The following MARCHF1 variants were observed in gnomAD, a reference collection of about 807,000 sequenced individuals.
MARCHF1 encodes E3 ubiquitin-protein ligase MARCHF1.
A neutral mutation model predicts 54.2 loss-of-function variants in MARCHF1; 40 were observed. That is an observed-to-expected ratio of 0.74 (90% CI 0.57 to 0.96). MARCHF1 has a LOEUF of 0.96. MARCHF1 is among the 40% of genes least tolerant of loss of function. The pLI, the probability that MARCHF1 is intolerant of heterozygous loss-of-function variation, is 0.00. For missense variants in MARCHF1, 586 were observed against 656.5 expected, an observed-to-expected ratio of 0.89 and a Z score of 1.17; for synonymous variants, 236 against 236.3, an observed-to-expected ratio of 1.00 and a Z score of 0.01.
At chr4:163,869,852 G>A (rs907009173) in intron 3 of MARCHF1, among the ~76,000 whole-genome samples, 4 of 151,984 alleles carry the variant, frequency 2.6e-5, no homozygotes, top group African/African-American at 9.7e-5. Flanking sequence ...CTCTCTTGTC[G>A]TTAATATATT....
At chr4:163,976,246 T>C (rs148728706) in intron 3 of MARCHF1, among the ~76,000 whole-genome samples, 1 of 152,250 alleles carries the variant, frequency 6.6e-6, no homozygotes, top group East Asian at 1.9e-4. Flanking sequence ...AAATAACTTG[T>C]CTCTTTATTT....
chr4:164,036,942 T>G (rs1754018842), intron 2 of MARCHF1, among the ~76,000 whole-genome samples: 1 of 152,056 alleles, frequency 6.6e-6, no homozygotes, highest in Non-Finnish European at 1.5e-5. Flanking sequence ...CAGACCAGAG[T>G]GTCAGCAATG....
rs1353179360 is a variant in MARCHF1, at chr4:164,105,775, T to G, written c.-248+5813A>C. Among the ~76,000 whole-genome samples the G allele has an allele frequency of 4.4e-4, 54 of 123,074 alleles. 1 individual carries two copies. Among genetic ancestry groups the G allele is most frequent in the Middle Eastern group, 3.9e-3 (1 of 256 alleles). 80.7% of individuals were successfully genotyped at this position (123,074 alleles called of 152,430 possible). A position where few individuals can be genotyped will look rare whatever the true frequency, so the allele number is the denominator to read the frequency against. On this transcript the variant is annotated intron_variant, in intron 2 of 9. Transcript: ENST00000514618. ...CCAAAATTGACAAATGGGATCTAAT[T>G]AAACTAAAGAGCTTCTGCACAGCAA...
chr4:164,288,717 C>A (rs1734211580), intron 1 of MARCHF1, among the ~76,000 whole-genome samples: 1 of 152,030 alleles, frequency 6.6e-6, no homozygotes, highest in Admixed American at 6.6e-5. Flanking sequence ...ATGTAAATGC[C>A]AGCCAAATGT....
At chr4:163,893,664 T>C (rs1426774326) in intron 3 of MARCHF1, among the ~76,000 whole-genome samples, 1 of 152,184 alleles carries the variant, frequency 6.6e-6, no homozygotes, top group Non-Finnish European at 1.5e-5. Context: ...CTGAAATATA[T>C]GTGAGAAAAC....
chr4:163,988,992 C>T (rs1392078542), intron 2 of MARCHF1: 1 of 151,988 alleles, frequency 6.6e-6, no homozygotes, highest in Non-Finnish European at 1.5e-5. Flanking sequence ...TCTCACAGGC[C>T]CTTATTAGCA....
At chr4:163,758,289 C>T (rs547416277) in intron 4 of MARCHF1, among the ~76,000 whole-genome samples, 65 of 152,210 alleles carry the variant, frequency 4.3e-4, no homozygotes, top group African/African-American at 1.5e-3. Flanking sequence ...ACAGCTGGAC[C>T]GGGCTGGGCT....
rs1186112406 is a variant in MARCHF1, at chr4:163,573,377, G to A, written c.1191+12372C>T. Among the ~76,000 whole-genome samples, 6 of 150,234 alleles carry A rather than the reference G, an allele frequency of 4.0e-5. No homozygotes were observed. The East Asian group carries it at 7.9e-4, about 20-fold the overall frequency. On this transcript the variant is annotated intron_variant, in intron 8 of 9. Coordinates refer to ENST00000514618, the MANE Select transcript of MARCHF1 (RefSeq NM_001394959.1). ...TGCACAATGTGCAGGTTAGTTACAC[G>A]TGTATACATGTGACATGCTGGTGCG...
intron 8 of MARCHF1, among the ~76,000 whole-genome samples, chr4:163,559,426 G>C (rs1344291673): frequency 6.6e-6 from 1 of 152,094 alleles, no homozygotes; most frequent in Non-Finnish European, 1.5e-5. Flanking sequence ...GGTTCCTTTC[G>C]AACTAAGAAG....
rs1730282744 is a variant in MARCHF1, at chr4:164,350,779, A to G, written c.-323+33091T>C. Among the ~76,000 whole-genome samples, 3 of 152,190 alleles carry G rather than the reference A, an allele frequency of 2.0e-5. No homozygotes were observed. In the South Asian group the frequency reaches 6.2e-4, roughly 32 times the overall value. ...GAGGAGCCAAGATGGCCGAATAGGA[A>G]CAGCTCCGGTCTACAGCTCCCAGCG... On this transcript the variant is annotated intron_variant, in intron 1 of 9. Transcript: ENST00000514618.
chr4:163,847,419 C>G (rs1749515862), intron 4 of MARCHF1, among the ~76,000 whole-genome samples: 1 of 151,764 alleles, frequency 6.6e-6, no homozygotes, highest in South Asian at 2.1e-4. Context: ...TGTTTTATTT[C>G]TAGAGATTGT....
At position 164,371,906 on chromosome 4, in the gene MARCHF1, G is replaced by GT. The variant is rs111405688; in HGVS notation, c.-323+11963dup. Among the ~76,000 whole-genome samples the GT allele has an allele frequency of 6.8e-3, 1,041 of 152,004 alleles. 12 individuals are homozygous for GT. The highest frequency in any genetic ancestry group is 0.024 in the African/African-American group (980 of 41,472). On this transcript the variant is annotated intron_variant, in intron 1 of 9. Transcript: ENST00000514618. ...TGTTTATAATATTTATAAAAGTAACGTATCATTTATACATTACAATTATCT... is the reference window on the plus strand; with the variant it reads ...TGTTTATAATATTTATAAAAGTAACGTTATCATTTATACATTACAATTATCT...
At chr4:163,548,094 A>AT (rs1738972074) in intron 8 of MARCHF1, among the ~76,000 whole-genome samples, 2 of 152,292 alleles carry the variant, frequency 1.3e-5, no homozygotes, top group East Asian at 1.9e-4. Flanking sequence ...TGCAAGATTG[A>AT]TTTTTTAAAA....
At chr4:164,031,180 T>C (rs1753868809) in intron 2 of MARCHF1, among the ~76,000 whole-genome samples, 1 of 152,154 alleles carries the variant, frequency 6.6e-6, no homozygotes, top group African/African-American at 2.4e-5. Context: ...AAGCTTTTGG[T>C]CATTCAATTT....
intron 4 of MARCHF1, among the ~76,000 whole-genome samples, chr4:163,788,070 G>C (rs970081318): frequency 8.6e-5 from 13 of 151,864 alleles, no homozygotes; most frequent in Non-Finnish European, 1.9e-4. Context: ...ATAGGGGAAG[G>C]GGGAGAGGAA....
intron 1 of MARCHF1, among the ~76,000 whole-genome samples, chr4:164,171,637 T>C (rs1452048802): frequency 6.6e-6 from 1 of 152,120 alleles, no homozygotes; most frequent in Non-Finnish European, 1.5e-5. Context: ...ATTACTAGAG[T>C]ACCAAGCCTT....
At chr4:163,869,649 A>G (rs17044246) in intron 3 of MARCHF1, among the ~76,000 whole-genome samples, 15,405 of 152,140 alleles carry the variant, frequency 0.1, 839 homozygotes, top group African/African-American at 0.14. Flanking sequence ...CTTTCCAAGC[A>G]GTTTACCCTT....
chr4:163,986,303 C>T (rs1372103637), intron 3 of MARCHF1, among the ~76,000 whole-genome samples: 10 of 84,610 alleles, frequency 1.2e-4, no homozygotes, highest in African/African-American at 1.5e-4. Flanking sequence ...CTCGCTCTGT[C>T]GCCCAGGCTG....
chr4:163,917,002 A>G (rs1751321870), intron 3 of MARCHF1, among the ~76,000 whole-genome samples: 1 of 151,968 alleles, frequency 6.6e-6, no homozygotes, highest in Non-Finnish European at 1.5e-5. Flanking sequence ...TTCTCCTCCT[A>G]TTCATCTCCT....
Sources: allele counts gnomAD v4.1 joint callset (sites outside exome capture counted in the v4.1 genomes callset), GRCh38; gene constraint gnomAD v4.1.1; transcripts MANE v1.5; gene names NCBI Gene and HGNC (gene_info 2026-07-23, HGNC 2026-07-21).